The following MBP variants were observed in gnomAD, a reference collection of about 807,000 sequenced individuals.
MBP encodes the protein myelin basic protein.
Under a neutral mutation model 35.8 loss-of-function variants are expected in MBP, and 16 were observed. The observed-to-expected ratio is 0.45, with a 90% confidence interval of 0.30 to 0.68. The LOEUF (loss-of-function observed/expected upper bound fraction) is 0.68, where lower values mean the gene tolerates loss of function less well. Ranked by LOEUF, MBP falls within the 30% of genes least tolerant of loss-of-function variation. MBP has a pLI of 0.08. For synonymous variants in MBP, 143 were observed against 159.6 expected (o/e 0.90, Z 0.78); for missense variants, 380 against 404.7 (o/e 0.94, Z 0.52).
At position 76,980,064 on chromosome 18, in the gene MBP, G is replaced by C. The variant is rs1471049518; in HGVS notation, c.*363C>G. 1.4e-6 allele frequency: 1 copy of C among 700,922 alleles called. No homozygotes were observed. Among genetic ancestry groups the C allele is most frequent in the Non-Finnish European group, 2.6e-6 (1 of 384,650 alleles). 43.4% of individuals were successfully genotyped at this position (700,922 alleles called of 1,614,324 possible). ...CTCCATGGCAGTGACCAGCAAAAGC[G>C]CAAGGGTGCCGCAGCCACGGCGAAA... On this transcript the variant is annotated 3_prime_UTR_variant, in exon 9 of 9. Transcript: ENST00000355994.
intron 3 of MBP, among the ~76,000 whole-genome samples, chr18:77,043,741 G>A (rs1257891668): frequency 6.6e-6 from 1 of 152,176 alleles, no homozygotes; most frequent in South Asian, 2.1e-4. Flanking sequence ...CTGTTGCGGC[G>A]TGGTGAGTAA....
Position 77,017,226 on chromosome 18 carries a change from T to C in MBP, c.182A>G (p.Asp61Gly), listed in dbSNP as rs909457101. The C allele has an allele frequency of 6.6e-7, 1 of 1,518,608 alleles. No homozygotes were observed. The highest frequency in any genetic ancestry group is 8.8e-7 in the Non-Finnish European group (1 of 1,134,660). The allele number at this position is 1,518,608 out of a possible 1,614,324, so 94.1% of individuals were successfully genotyped here. A position where few individuals can be genotyped will look rare whatever the true frequency, so the allele number is the denominator to read the frequency against. ...GCGCTTGGAGTCAGTCACCGCTGTG[T>C]CCTGAGAGGAGGTCCCATTGTTCTG... ...ANQNNGTSSQ[D>G]TAVTDSKRTA... The change falls in exon 4 of 9, where the codon GAC becomes GGC. Residue 61 changes from aspartate to glycine, a missense_variant. Physicochemically the swap from Asp to Gly is moderately conservative, Grantham distance 94. Coordinates refer to ENST00000355994, the MANE Select transcript of MBP (RefSeq NM_001025101.2).
At chr18:76,993,900 C>G (rs1219958778) in intron 4 of MBP, among the ~76,000 whole-genome samples, 1 of 152,210 alleles carries the variant, frequency 6.6e-6, no homozygotes, top group Non-Finnish European at 1.5e-5. Flanking sequence ...CCAGGAACAT[C>G]GGAGTCCTAG....
intron 1 of MBP, among the ~76,000 whole-genome samples, chr18:77,126,807 C>G (rs1977065568): frequency 6.6e-6 from 1 of 152,150 alleles, no homozygotes; most frequent in African/African-American, 2.4e-5. Flanking sequence ...AAATAAAACA[C>G]TTATGTACAC....
chr18:77,028,273 C>T (rs1331452882), intron 3 of MBP, among the ~76,000 whole-genome samples: 31 of 137,090 alleles, frequency 2.3e-4, no homozygotes, highest in African/African-American at 5.5e-4. Flanking sequence ...CCTGAGTGGA[C>T]ACAGCACATG....
At chr18:77,024,689 G>A (rs1421738907) in intron 3 of MBP, among the ~76,000 whole-genome samples, 2 of 152,214 alleles carry the variant, frequency 1.3e-5, no homozygotes, top group African/African-American at 2.4e-5. Flanking sequence ...GCCTGCAGTC[G>A]CCAGGGTGGG....
chr18:77,079,679 T>A (rs11663325), intron 2 of MBP, among the ~76,000 whole-genome samples: 79,781 of 152,028 alleles, frequency 0.52, 21,416 homozygotes, highest in East Asian at 0.65. Flanking sequence ...TCCTATTCCT[T>A]CATTTAGGAA....
At chr18:77,052,328 C>A (rs757238313) in intron 3 of MBP, among the ~76,000 whole-genome samples, 79 of 152,108 alleles carry the variant, frequency 5.2e-4, no homozygotes, top group Non-Finnish European at 1.1e-3. Context: ...GCATCCCGAT[C>A]GGGGGGGTAA....
intron 1 of MBP, among the ~76,000 whole-genome samples, chr18:77,110,729 CAGATAAATT>C (rs1192831244): frequency 6.6e-6 from 1 of 152,140 alleles, no homozygotes; most frequent in South Asian, 2.1e-4. Flanking sequence ...CCCTAGGCAT[CAGATAAATT>C]AGATAAGATT....
intron 3 of MBP, chr18:77,017,669 T>A (rs1599074895): frequency 6.0e-6 from 1 of 167,188 alleles, no homozygotes; most frequent in Non-Finnish European, 1.3e-5. Flanking sequence ...AAGTTAAATA[T>A]GCAAGGAGCA....
chr18:77,128,314 T>C lies in MBP; in HGVS notation c.-26+4266A>G, dbSNP rs572424237. ...GTTGCATAGTGTATGATTCCATTTATAGAGCATTCTTAAAGCGACAAAATT... is the reference window on the plus strand; with the variant it reads ...GTTGCATAGTGTATGATTCCATTTACAGAGCATTCTTAAAGCGACAAAATT... On this transcript the variant is annotated intron_variant, in intron 1 of 8. Coordinates refer to ENST00000355994, the MANE Select transcript of MBP (RefSeq NM_001025101.2). Among the ~76,000 whole-genome samples the C allele has an allele frequency of 5.9e-5, 9 of 152,308 alleles. No individual in the cohort carries two copies. The East Asian group carries it at 1.5e-3, about 26-fold the overall frequency.
At chr18:77,051,591 C>T (rs868212343) in intron 3 of MBP, among the ~76,000 whole-genome samples, 34 of 152,262 alleles carry the variant, frequency 2.2e-4, no homozygotes, top group African/African-American at 6.0e-4. Context: ...CTGAAGGACC[C>T]GATTTTCACT....
At chr18:77,073,704 A>G (rs1054785624) in intron 2 of MBP, among the ~76,000 whole-genome samples, 2 of 152,206 alleles carry the variant, frequency 1.3e-5, no homozygotes, top group Non-Finnish European at 2.9e-5. Flanking sequence ...AGTCCAGAAT[A>G]CGGGTGGATC....
At chr18:76,995,472 C>T (rs1051440007) in intron 4 of MBP, among the ~76,000 whole-genome samples, 8 of 152,134 alleles carry the variant, frequency 5.3e-5, no homozygotes, top group Non-Finnish European at 1.2e-4. Flanking sequence ...ACCTGTGGTG[C>T]TAGAGGAAGG....
chr18:77,049,492 T>C (rs1213823923), intron 3 of MBP, among the ~76,000 whole-genome samples: 1 of 152,160 alleles, frequency 6.6e-6, no homozygotes, highest in African/African-American at 2.4e-5. Flanking sequence ...CCCGGAAGAT[T>C]TGCCTCATTG....
intron 2 of MBP, among the ~76,000 whole-genome samples, chr18:77,096,619 G>A (rs1366709543): frequency 1.3e-5 from 2 of 152,080 alleles, no homozygotes; most frequent in Non-Finnish European, 2.9e-5. Flanking sequence ...CAGAAATATT[G>A]CTAGGCATCT....
chr18:77,084,477 G>A (rs961334768), intron 2 of MBP, among the ~76,000 whole-genome samples: 1 of 125,046 alleles, frequency 8.0e-6, no homozygotes. Context: ...ACACACTTCC[G>A]TGAGGACAGT....
intron 4 of MBP, among the ~76,000 whole-genome samples, 175 bp from the exon 5 acceptor site, chr18:76,990,235 G>A (rs1969819891): frequency 6.6e-6 from 1 of 152,024 alleles, no homozygotes; most frequent in Non-Finnish European, 1.5e-5. Context: ...TCACAATGGG[G>A]AGAGAGATGG....
At chr18:77,126,250 C>G (rs1384016912) in intron 1 of MBP, among the ~76,000 whole-genome samples, 2 of 152,152 alleles carry the variant, frequency 1.3e-5, no homozygotes, top group Admixed American at 1.3e-4. Flanking sequence ...ATCAGATACT[C>G]AAGGGTGGGT....
Sources: allele counts gnomAD v4.1 joint callset (sites outside exome capture counted in the v4.1 genomes callset), GRCh38; gene constraint gnomAD v4.1.1; transcripts MANE v1.5; gene names NCBI Gene and HGNC (gene_info 2026-07-23, HGNC 2026-07-21).